The following PRC1 variants were observed in gnomAD, a reference collection of about 807,000 sequenced individuals.
PRC1 encodes the protein anaphase spindle elongation 1 homolog.
A neutral mutation model predicts 91.2 loss-of-function variants in PRC1; 54 were observed. The observed-to-expected ratio is 0.59, with a 90% CI of 0.48 to 0.74. The LOEUF (loss-of-function observed/expected upper bound fraction) is 0.74, where lower values mean the gene tolerates loss of function less well. Ranked by LOEUF, PRC1 falls within the 30% of genes least tolerant of loss-of-function variation. The pLI, the probability that PRC1 is intolerant of heterozygous loss-of-function variation, is 0.00. For missense variants in PRC1, 727 were observed against 746.2 expected, an observed-to-expected ratio of 0.97 and a Z score of 0.30; for synonymous variants, 275 against 263.6, an observed-to-expected ratio of 1.04 and a Z score of -0.42.
chr15:90,968,756 GTGAT>G, intron 14 of PRC1: 1 of 1,165,696 alleles, frequency 8.6e-7, no homozygotes, highest in Non-Finnish European at 1.1e-6. Flanking sequence ...CCTTCCCCAT[GTGAT>G]TGGGGGCCTC....
intron 14 of PRC1, 195 bp from the exon 15 acceptor site, chr15:90,967,397 T>C (rs1200438688): frequency 1.4e-5 from 8 of 591,986 alleles, no homozygotes; most frequent in Admixed American, 8.9e-5. Flanking sequence ...ACAGAGTGCA[T>C]GTGCACGCAT....
rs537470129 is a variant in PRC1 at position 90,984,299 on chromosome 15, G to C, written c.145-159C>G. On this transcript the variant is annotated intron_variant, in intron 2 of 14. Transcript: ENST00000394249. This position sits in a 1 kb window ranked among gnomAD's most constrained non-coding sequence, Gnocchi z 5.1. ...GCTGGAGTGCAATGGCGTGCTTTCG[G>C]CTCACTGCAACCTCTACCTTCCGGG... 1.3e-4 allele frequency among the ~76,000 whole-genome samples: 20 copies of C among 152,148 alleles called. No homozygotes were observed. Among genetic ancestry groups the C allele is most frequent in the African/African-American group, 4.8e-4 (20 of 41,518 alleles).
intron 1 of PRC1, chr15:90,987,738 G>C (rs560422218): frequency 6.6e-6 from 1 of 152,044 alleles, no homozygotes; most frequent in Non-Finnish European, 1.5e-5. Flanking sequence ...AACACTTAAG[G>C]TCTTTGTGTG....
rs944199212 is a variant in PRC1 at position 90,994,294 on chromosome 15, C to A, written c.11+113G>T. ...CCCGGCCTCCCTCGGCGCCGACTGC[C>A]GTGACGATCTAGGCCCGGGACCCCG... On this transcript the variant is annotated intron_variant, in intron 1 of 14. Coordinates refer to ENST00000394249, the MANE Select transcript of PRC1 (RefSeq NM_003981.4). The A allele has an allele frequency of 5.9e-6, 9 of 1,517,444 alleles. No individual in the cohort carries two copies. The African/African-American group carries it at 1.3e-4, about 22-fold the overall frequency. 94.0% of individuals were successfully genotyped at this position (1,517,444 alleles called of 1,614,324 possible).
intron 14 of PRC1, chr15:90,968,616 G>T (rs549267251): frequency 1.4e-4 from 138 of 995,990 alleles, no homozygotes; most frequent in South Asian, 1.1e-3. Flanking sequence ...CAAAGGTGAG[G>T]AAATCAGCAT....
At chr15:90,990,511 C>A (rs956039375) in intron 1 of PRC1, among the ~76,000 whole-genome samples, 16 of 151,408 alleles carry the variant, frequency 1.1e-4, no homozygotes, top group African/African-American at 1.9e-4. Flanking sequence ...TAGGTGTGCG[C>A]CACCTTGCCT....
rs752187639 is a variant in PRC1, at chr15:90,994,430, A to C, written c.-13T>G. ...ACCTTCTCCTCATGGCGGACGCTCC[A>C]AGCAGCCGTGAGTCCAGGTCCAGAC... On this transcript the variant is annotated 5_prime_UTR_variant, in exon 1 of 15. Transcript: ENST00000394249. 49 of 1,610,964 alleles carry C rather than the reference A, an allele frequency of 3.0e-5. No homozygotes were observed. The South Asian group carries it at 5.3e-4, about 17-fold the overall frequency.
At chr15:90,980,039 A>T (rs1196575187) in intron 7 of PRC1, among the ~76,000 whole-genome samples, 2 of 152,244 alleles carry the variant, frequency 1.3e-5, no homozygotes, top group Non-Finnish European at 2.9e-5. Context: ...AAAAGGATAT[A>T]CTTCCTGTTG....
At chr15:90,994,349 G>A (rs1237914741) in intron 1 of PRC1, 58 bp downstream of exon 1, 1 of 1,611,220 alleles carries the variant, frequency 6.2e-7, no homozygotes, top group Admixed American at 1.7e-5. Flanking sequence ...AACAGGCCCC[G>A]CAGCCGAAAC....
At chr15:90,970,943 G>A (rs2038065118) in intron 11 of PRC1, among the ~76,000 whole-genome samples, 1 of 152,150 alleles carries the variant, frequency 6.6e-6, no homozygotes, top group African/African-American at 2.4e-5. Flanking sequence ...TTCATACAGT[G>A]GAATGAATAT....
intron 1 of PRC1, among the ~76,000 whole-genome samples, chr15:90,992,242 A>G (rs1343831546): frequency 1.3e-5 from 2 of 152,242 alleles, no homozygotes; most frequent in East Asian, 3.9e-4. Context: ...TTCTCTACAT[A>G]GCACTTACCA....
intron 8 of PRC1, among the ~76,000 whole-genome samples, chr15:90,978,723 A>T (rs568954472): frequency 1.2e-4 from 16 of 132,864 alleles, no homozygotes; most frequent in Non-Finnish European, 2.1e-4. Context: ...ATTGCACTCC[A>T]GCCTGGGCAA....
chr15:90,967,435 T>G (rs1386692900), intron 14 of PRC1: 1 of 551,682 alleles, frequency 1.8e-6, no homozygotes, highest in Non-Finnish European at 3.3e-6. Flanking sequence ...CCTCAGCCAG[T>G]CCATTCTGTT....
chr15:90,972,712 T>A (rs1364029949), intron 11 of PRC1: 1 of 151,576 alleles, frequency 6.6e-6, no homozygotes, highest in Non-Finnish European at 1.5e-5. Context: ...CACTCCAGCC[T>A]AGGCAACAAG....
At chr15:90,976,101 C>T (rs573625662) in intron 9 of PRC1, among the ~76,000 whole-genome samples, 2 of 152,132 alleles carry the variant, frequency 1.3e-5, no homozygotes, top group South Asian at 4.2e-4. Context: ...GTTTGTTTTT[C>T]TCTCTGAGAT....
intron 3 of PRC1, chr15:90,983,742 A>T (rs1000465645): frequency 1.3e-5 from 3 of 233,158 alleles, no homozygotes; most frequent in African/African-American, 4.5e-5. Context: ...CAGCGTTTAT[A>T]AAAAAAAATT....
In PRC1 at chr15:90,973,591, C is replaced by T. The variant is rs145858971; in HGVS notation, c.1461+545G>A. 9.0e-3 allele frequency among the ~76,000 whole-genome samples: 1,366 copies of T among 152,284 alleles called. 7 individuals carry two copies. Among genetic ancestry groups the T allele is most frequent in the Non-Finnish European group, 0.013 (890 of 68,034 alleles). ...CTGCATGCCCCTGGGAACGGAATAT[C>T]TCGGTGTAAAACCCGATCGTACGTA... On this transcript the variant is annotated intron_variant, in intron 11 of 14. Transcript: ENST00000394249.
chr15:90,990,618 A>G (rs2039923803), intron 1 of PRC1, among the ~76,000 whole-genome samples: 1 of 152,090 alleles, frequency 6.6e-6, no homozygotes, highest in African/African-American at 2.4e-5. Flanking sequence ...GGTGATAAAA[A>G]TGTTCTAAAA....
rs1332970009 is a variant in PRC1, at chr15:90,973,446, C to T, written c.1461+690G>A. 2.6e-5 allele frequency among the ~76,000 whole-genome samples: 4 copies of T among 152,200 alleles called. No individual in the cohort carries two copies. The South Asian group carries it at 6.2e-4, about 24-fold the overall frequency. On this transcript the variant is annotated intron_variant, in intron 11 of 14. Coordinates refer to ENST00000394249, the MANE Select transcript of PRC1 (RefSeq NM_003981.4). The stretch of plus-strand genomic sequence containing the variant: ...AAGCCTGGGTATTGTCCAGGTATTT[C>T]CCCGCACTGAGACAGCCTGAGATAT...
Sources: gnomAD v4.1 joint callset for allele counts (sites outside exome capture counted in the v4.1 genomes callset) on GRCh38, gnomAD v4.1.1 for gene constraint, Gnocchi (gnomAD v3.1) non-coding constraint, MANE v1.5 for transcripts, NCBI Gene and HGNC (gene_info 2026-07-23, HGNC 2026-07-21) for gene names.